KCNT2: variants seen among roughly 807,000 people sequenced by gnomAD.
The protein encoded by KCNT2 is potassium sodium-activated channel subfamily T member 2, also known as potassium channel subfamily T member 2.
Under a neutral mutation model 153.8 loss-of-function variants are expected in KCNT2, and 67 were observed. The observed-to-expected ratio is 0.44, with a 90% CI of 0.36 to 0.53. The LOEUF (loss-of-function observed/expected upper bound fraction) is 0.53, where lower values mean the gene tolerates loss of function less well. KCNT2 is among the 20% of genes least tolerant of loss of function. KCNT2 has a pLI of 0.00. For synonymous variants in KCNT2, 500 were observed against 458.8 expected, an observed-to-expected ratio of 1.09 and a Z score of -1.15; for missense variants, 975 against 1,354.8, an observed-to-expected ratio of 0.72 and a Z score of 4.40.
At chr1:196,397,264 T>G (rs964659639) in intron 13 of KCNT2, among the ~76,000 whole-genome samples, 19 of 151,324 alleles carry the variant, frequency 1.3e-4, no homozygotes, top group African/African-American at 4.6e-4. Flanking sequence ...TATTTAAAAT[T>G]TTTCAAAAAT....
intron 1 of KCNT2, among the ~76,000 whole-genome samples, chr1:196,503,969 A>G (rs1328775845): frequency 6.6e-6 from 1 of 152,232 alleles, no homozygotes; most frequent in Non-Finnish European, 1.5e-5. Flanking sequence ...TTTAATAGGC[A>G]AATTGTATAG....
chr1:196,229,797 A>G (rs12121130), intron 27 of KCNT2, among the ~76,000 whole-genome samples: 6 of 152,116 alleles, frequency 3.9e-5, no homozygotes, highest in African/African-American at 7.2e-5. Context: ...ACCAGCTACA[A>G]CATTCCCTTA....
At chr1:196,474,674 A>C (rs1678377591) in intron 5 of KCNT2, among the ~76,000 whole-genome samples, 1 of 152,202 alleles carries the variant, frequency 6.6e-6, no homozygotes, top group African/African-American at 2.4e-5. Context: ...AAATTGTGCC[A>C]GAGTTTGTTT....
At chr1:196,531,267 G>A (rs1383072543) in intron 1 of KCNT2, among the ~76,000 whole-genome samples, 1 of 151,994 alleles carries the variant, frequency 6.6e-6, no homozygotes, top group Non-Finnish European at 1.5e-5. Context: ...CATTCTCATA[G>A]CAGAATCCCC....
intron 8 of KCNT2, among the ~76,000 whole-genome samples, chr1:196,461,373 T>A (rs915114969): frequency 6.6e-6 from 1 of 151,682 alleles, no homozygotes; most frequent in African/African-American, 2.4e-5. Flanking sequence ...GACATTGAAC[T>A]AAAACAGGAA....
chr1:196,490,012 A>T, intron 2 of KCNT2, 75 bp from the exon 3 acceptor site: 2 of 676,142 alleles, frequency 3.0e-6, no homozygotes, highest in Non-Finnish European at 5.0e-6. Flanking sequence ...TGTCAAAAAT[A>T]TCAAATTTAA....
intron 26 of KCNT2, chr1:196,257,469 T>C: frequency 1.0e-6 from 1 of 977,800 alleles, no homozygotes; most frequent in African/African-American, 1.7e-5. Context: ...GTTACATATT[T>C]ATATACGTAA....
At chr1:196,335,928 A>G (rs1194543932) in intron 16 of KCNT2, among the ~76,000 whole-genome samples, 1 of 152,026 alleles carries the variant, frequency 6.6e-6, no homozygotes, top group Non-Finnish European at 1.5e-5. Flanking sequence ...TTCTCTTCTT[A>G]ACTATCTTAA....
At chr1:196,467,584 T>C (rs371727635) in intron 7 of KCNT2, 119 bp downstream of exon 7, 7 of 513,742 alleles carry the variant, frequency 1.4e-5, no homozygotes, top group South Asian at 4.4e-5. Flanking sequence ...TATGGGAGAA[T>C]GCAGAATTAG....
chr1:196,401,477 TA>T (rs76423535), intron 12 of KCNT2, among the ~76,000 whole-genome samples: 1,716 of 151,254 alleles, frequency 0.011, 12 homozygotes, highest in Non-Finnish European at 0.014. Flanking sequence ...ATGTTTGTAA[TA>T]AAAAAAAGAA....
intron 25 of KCNT2, among the ~76,000 whole-genome samples, chr1:196,271,398 C>T (rs567558017): frequency 6.6e-6 from 1 of 152,088 alleles, no homozygotes; most frequent in African/African-American, 2.4e-5. Flanking sequence ...TGTGGCAGTG[C>T]TAAGTACAAG....
At chr1:196,268,848 T>G (rs1371485451) in intron 25 of KCNT2, among the ~76,000 whole-genome samples, 1 of 152,170 alleles carries the variant, frequency 6.6e-6, no homozygotes, top group African/African-American at 2.4e-5. Flanking sequence ...TTGGGGCATA[T>G]GTGGCATCCT....
At chr1:196,570,389 G>A (rs4290012) in intron 1 of KCNT2, among the ~76,000 whole-genome samples, 149,650 of 152,208 alleles carry the variant, frequency 0.98, 73,608 homozygotes, top group Middle Eastern at 1. Flanking sequence ...GGAAAAAACT[G>A]TATCACAATA....
intron 5 of KCNT2, among the ~76,000 whole-genome samples, chr1:196,470,790 A>G (rs896278516): frequency 2.0e-5 from 3 of 152,094 alleles, no homozygotes; most frequent in Non-Finnish European, 2.9e-5. Context: ...TCCCTGTGCC[A>G]TGTAGGTCTG....
At chr1:196,475,230 A>G (rs570070912) in intron 5 of KCNT2, among the ~76,000 whole-genome samples, 1 of 152,348 alleles carries the variant, frequency 6.6e-6, no homozygotes, top group East Asian at 1.9e-4. Flanking sequence ...TTTCAGAATT[A>G]TAAGTATCAA....
intron 19 of KCNT2, among the ~76,000 whole-genome samples, chr1:196,319,971 T>C (rs1179742759): frequency 6.6e-6 from 1 of 151,802 alleles, no homozygotes; most frequent in Non-Finnish European, 1.5e-5. Context: ...TGAGCAACTA[T>C]TAAGCATGTC....
At chr1:196,519,717 C>T (rs1021748072) in intron 1 of KCNT2, among the ~76,000 whole-genome samples, 2 of 152,074 alleles carry the variant, frequency 1.3e-5, no homozygotes, top group African/African-American at 4.8e-5. Context: ...TTCCTGAACA[C>T]ATACACCCTC....
intron 25 of KCNT2, among the ~76,000 whole-genome samples, chr1:196,268,421 C>T (rs796500359): frequency 5.9e-5 from 9 of 152,280 alleles, no homozygotes; most frequent in African/African-American, 2.2e-4. Flanking sequence ...TTCCAAAATA[C>T]ACAATGCTGT....
chr1:196,352,042 C>T (rs1446749664), intron 14 of KCNT2, among the ~76,000 whole-genome samples: 2 of 152,002 alleles, frequency 1.3e-5, no homozygotes, highest in Non-Finnish European at 2.9e-5. Context: ...GCCTTGCATC[C>T]CAGGGATGAA....
Sources: allele counts gnomAD v4.1 joint callset (sites outside exome capture counted in the v4.1 genomes callset), GRCh38; gene constraint gnomAD v4.1.1; transcripts MANE v1.5; gene names NCBI Gene and HGNC (gene_info 2026-07-23, HGNC 2026-07-21).